Variants in LIMCH1 observed in about 807,000 individuals in gnomAD.
The protein encoded by LIMCH1 is LIM and calponin homology domains 1.
Under a neutral mutation model 176.5 loss-of-function variants are expected in LIMCH1, and 113 were observed. The ratio of observed to expected loss-of-function variants is 0.64; its 90% CI spans 0.55 to 0.75. The LOEUF (loss-of-function observed/expected upper bound fraction) is 0.75. Ranked by LOEUF, LIMCH1 falls within the 30% of genes least tolerant of loss-of-function variation. The pLI is 0.00. For synonymous variants in LIMCH1, 619 were observed against 645.9 expected (o/e 0.96, Z 0.63); for missense variants, 1,674 against 1,814.9 (o/e 0.92, Z 1.41).
At chr4:41,443,505 C>T (rs1305443717) in intron 1 of LIMCH1, among the ~76,000 whole-genome samples, 3 of 152,142 alleles carry the variant, frequency 2.0e-5, no homozygotes, top group Admixed American at 1.3e-4. Flanking sequence ...GGATTATTAT[C>T]CAATGAAACC....
chr4:41,599,859 G>T (rs1009405621), intron 2 of LIMCH1, among the ~76,000 whole-genome samples: 4 of 152,144 alleles, frequency 2.6e-5, no homozygotes, highest in Non-Finnish European at 5.9e-5. Flanking sequence ...CCAAAATTCA[G>T]AGCTGTTAAT....
At chr4:41,476,046 A>G (rs929436364) in intron 1 of LIMCH1, among the ~76,000 whole-genome samples, 2 of 152,182 alleles carry the variant, frequency 1.3e-5, no homozygotes, top group Non-Finnish European at 2.9e-5. Context: ...ATTATAGCTC[A>G]CTGTAACCTT....
intron 18 of LIMCH1, among the ~76,000 whole-genome samples, chr4:41,652,575 A>G (rs867275114): frequency 1.3e-5 from 2 of 152,218 alleles, no homozygotes; most frequent in African/African-American, 2.4e-5. Flanking sequence ...ATGCTGTTAA[A>G]ATTAAACTAG....
Position 41,619,453 on chromosome 4 carries a change from C to T in LIMCH1, c.458+13C>T, listed in dbSNP as rs1390185098. 1.2e-6 allele frequency: 2 copies of T among 1,604,378 alleles called. No homozygotes were observed. The highest frequency in any genetic ancestry group is 2.2e-5 in the East Asian group (1 of 44,878). On this transcript the variant is annotated intron_variant, in intron 6 of 31. Coordinates refer to ENST00000503057, the MANE Select transcript of LIMCH1 (RefSeq NM_001330672.2). Reference sequence around the variant, plus strand: ...AGAGGCCCTTCAGGTAAGGCCTGAGCACCGCTGCCCTCTTCCTGGCTTGGG... The same window carrying T: ...AGAGGCCCTTCAGGTAAGGCCTGAGTACCGCTGCCCTCTTCCTGGCTTGGG...
upstream of LIMCH1, among the ~76,000 whole-genome samples, chr4:41,533,377 G>C (rs1235013730): frequency 3.9e-5 from 6 of 152,200 alleles, no homozygotes; most frequent in Non-Finnish European, 2.9e-5. Context: ...TTCAGAAGCT[G>C]CTTGTCCCGA....
At chr4:41,651,710 ATTAG>A (rs1477037624) in intron 18 of LIMCH1, among the ~76,000 whole-genome samples, 2 of 152,126 alleles carry the variant, frequency 1.3e-5, no homozygotes, top group East Asian at 1.9e-4. Flanking sequence ...CCTTTTTCTT[ATTAG>A]TTAAAGAAAC....
chr4:41,629,854 C>T, intron 9 of LIMCH1, 120 bp downstream of exon 9: 1 of 1,197,460 alleles, frequency 8.4e-7, no homozygotes, highest in East Asian at 2.6e-5. Flanking sequence ...GTTGCCCAGG[C>T]TGGAATATAG....
chr4:41,466,856 C>T (rs1269058903), intron 1 of LIMCH1, among the ~76,000 whole-genome samples: 4 of 152,078 alleles, frequency 2.6e-5, no homozygotes, highest in African/African-American at 9.7e-5. Context: ...CAGCCATCAC[C>T]ACCATCCATC....
At position 41,632,770 on chromosome 4, in the gene LIMCH1, T is replaced by G. The variant is rs1295189850; in HGVS notation, c.1623T>G (p.Gly541=). 6.5e-7 allele frequency: 1 copy of G among 1,536,134 alleles called. No homozygotes were observed. Among genetic ancestry groups the G allele is most frequent in the East Asian group, 2.4e-5 (1 of 40,900 alleles). The change falls in exon 11 of 32, where the codon GGT becomes GGG. Residue 541 remains glycine (G), a synonymous_variant. Transcript: ENST00000503057. ...GCAGAACAATGAATTGTGGCCGAGGTGACTATTGCAGAAGGGCCTCGTGGC... is the reference window on the plus strand; with the variant it reads ...GCAGAACAATGAATTGTGGCCGAGGGGACTATTGCAGAAGGGCCTCGTGGC... ...NDCRTMNCGR[G]DYCRRASWLA...
intron 1 of LIMCH1, among the ~76,000 whole-genome samples, chr4:41,422,930 T>C (rs2060742781): frequency 6.6e-6 from 1 of 152,082 alleles, no homozygotes; most frequent in Non-Finnish European, 1.5e-5. Context: ...GCTAATGTTT[T>C]CAATTTTCTG....
chr4:41,415,619 G>A (rs1471963720), intron 1 of LIMCH1, among the ~76,000 whole-genome samples: 2 of 152,124 alleles, frequency 1.3e-5, no homozygotes, highest in African/African-American at 4.8e-5. Flanking sequence ...TGATGCTTCT[G>A]TGACCTTGGT....
Position 41,360,816 on chromosome 4 carries a change from C to T in LIMCH1, c.-25C>T. 1 of 1,514,256 alleles carries T rather than the reference C, an allele frequency of 6.6e-7. No homozygotes were observed. Among genetic ancestry groups the T allele is most frequent in the Non-Finnish European group, 8.9e-7 (1 of 1,129,800 alleles). 93.8% of individuals were successfully genotyped at this position (1,514,256 alleles called of 1,614,324 possible). The stretch of plus-strand genomic sequence containing the variant: ...GGCGGCGGCCGTCCTCATCCCGGCG[C>T]TTGAGAGGACGCGGGGCTGCGCAAA... On this transcript the variant is annotated 5_prime_UTR_variant, in exon 1 of 27. Coordinates refer to the LIMCH1 transcript ENST00000313860. This position sits in a 1 kb window ranked among gnomAD's most constrained non-coding sequence, Gnocchi z 4.5.
At chr4:41,599,489 T>C (rs1351602900) in intron 2 of LIMCH1, among the ~76,000 whole-genome samples, 2 of 152,242 alleles carry the variant, frequency 1.3e-5, no homozygotes, top group African/African-American at 2.4e-5. Flanking sequence ...GTGTCAGTGA[T>C]CAAGTTCTTT....
intron 1 of LIMCH1, among the ~76,000 whole-genome samples, chr4:41,383,622 A>G (rs1287415848): frequency 6.6e-6 from 1 of 152,198 alleles, no homozygotes; most frequent in Non-Finnish European, 1.5e-5. Context: ...CAACAGAACC[A>G]TTGTATGGCG....
chr4:41,680,895 G>T, intron 24 of LIMCH1, 60 bp from the exon 25 acceptor site: 1 of 938,562 alleles, frequency 1.1e-6, no homozygotes, highest in South Asian at 1.5e-5. Context: ...TGACATTTTT[G>T]TCTTGACAAA....
intron 2 of LIMCH1, among the ~76,000 whole-genome samples, chr4:41,507,952 G>T (rs1476740964): frequency 6.6e-6 from 1 of 152,188 alleles, no homozygotes; most frequent in African/African-American, 2.4e-5. Flanking sequence ...TTTAGGTGGA[G>T]ACCTGAACGA....
intron 1 of LIMCH1, among the ~76,000 whole-genome samples, chr4:41,402,742 C>T (rs1370193139): frequency 2.7e-5 from 4 of 145,528 alleles, no homozygotes; most frequent in East Asian, 4.0e-4. Flanking sequence ...AACCAAACAC[C>T]GCATGTTCTC....
intron 1 of LIMCH1, among the ~76,000 whole-genome samples, chr4:41,488,392 CT>C (rs988234610): frequency 6.6e-6 from 1 of 152,088 alleles, no homozygotes; most frequent in Non-Finnish European, 1.5e-5. Context: ...AAAATATTAG[CT>C]TTTTAAATGG....
rs540240960 is a variant in LIMCH1 at position 41,602,124 on chromosome 4, CAAAAAAAAA to C, written c.-133-1732_-133-1724del. 3.8e-4 allele frequency among the ~76,000 whole-genome samples: 28 copies of C among 73,296 alleles called. 1 individual carries two copies. The highest frequency in any genetic ancestry group is 1.3e-3 in the East Asian group (2 of 1,538). 48.1% of individuals were successfully genotyped at this position (73,296 alleles called of 152,430 possible). On this transcript the variant is annotated intron_variant, in intron 2 of 31. Transcript: ENST00000503057. ...TCTTTTAGAAGAAACTTGAGTAGACCAAAAAAAAAAAAAAAAAAAAAAAAAAAGAGGAAA... is the reference window on the plus strand; with the variant it reads ...TCTTTTAGAAGAAACTTGAGTAGACCAAAAAAAAAAAAAAAAAAGAGGAAA...
Sources: gnomAD v4.1 joint callset for allele counts (sites outside exome capture counted in the v4.1 genomes callset) on GRCh38, gnomAD v4.1.1 for gene constraint, Gnocchi (gnomAD v3.1) non-coding constraint, MANE v1.5 for transcripts, NCBI Gene and HGNC (gene_info 2026-07-23, HGNC 2026-07-21) for gene names.